The following TTC6 variants were observed in gnomAD, a reference collection of about 807,000 sequenced individuals.
The protein encoded by TTC6 is tetratricopeptide repeat domain 6.
In TTC6, 172 loss-of-function variants were observed where a neutral mutation model predicts 210.4. That is an observed-to-expected ratio of 0.82 (90% CI 0.72 to 0.93). The LOEUF is 0.93. Ranked by LOEUF, TTC6 falls within the 40% of genes least tolerant of loss-of-function variation. The probability of loss-of-function intolerance (pLI) is 0.00; values close to 1 mark genes in which losing one functional copy is unlikely to be tolerated. For synonymous variants in TTC6, 804 were observed against 819.6 expected, an observed-to-expected ratio of 0.98 and a Z score of 0.32; for missense variants, 2,414 against 2,318.1, an observed-to-expected ratio of 1.04 and a Z score of -0.85.
intron 6 of TTC6, among the ~76,000 whole-genome samples, chr14:37,719,015 A>G (rs915386810): frequency 1.3e-5 from 2 of 152,174 alleles, no homozygotes; most frequent in African/African-American, 4.8e-5. Context: ...GTGACAAGAT[A>G]CAAAAAAAAC....
chr14:37,614,741 A>C (rs2095639961), intron 2 of TTC6, among the ~76,000 whole-genome samples: 1 of 152,036 alleles, frequency 6.6e-6, no homozygotes, highest in Non-Finnish European at 1.5e-5. Context: ...AGTTTAAATT[A>C]ATCAATTAAT....
chr14:37,700,978 T>C (rs1395124601), intron 4 of TTC6, among the ~76,000 whole-genome samples: 1 of 151,996 alleles, frequency 6.6e-6, no homozygotes, highest in African/African-American at 2.4e-5. Context: ...TAATACATGA[T>C]GGCTGGATAT....
intron 6 of TTC6, among the ~76,000 whole-genome samples, chr14:37,720,983 G>T (rs933913103): frequency 6.6e-6 from 1 of 151,692 alleles, no homozygotes; most frequent in Non-Finnish European, 1.5e-5. Flanking sequence ...ACTGGATAAA[G>T]GGAAGATGGG....
intron 25 of TTC6, among the ~76,000 whole-genome samples, chr14:37,814,177 C>CT (rs2096136214): frequency 6.6e-6 from 1 of 152,172 alleles, no homozygotes. Context: ...GATATGACTG[C>CT]TGCTCACCTC....
exon 31 of TTC6, chr14:37,842,301 C>T (rs1239272877): frequency 6.3e-7 from 1 of 1,588,356 alleles, no homozygotes. Context: ...ATTACATAGA[C>T]TGTGGTTGCT....
chr14:37,791,118 AT>A, intron 16 of TTC6, among the ~76,000 whole-genome samples: 1 of 152,268 alleles, frequency 6.6e-6, no homozygotes, highest in African/African-American at 2.4e-5. Context: ...ACTATTGAGG[AT>A]TTTGGAGATG....
At chr14:37,715,168 T>TC (rs2095850617) in intron 6 of TTC6, among the ~76,000 whole-genome samples, 1 of 151,586 alleles carries the variant, frequency 6.6e-6, no homozygotes, top group African/African-American at 2.4e-5. Context: ...AGTCCCTGTC[T>TC]CAAAAAAAAA....
chr14:37,667,298 C>T (rs1028594328), intron 1 of TTC6, among the ~76,000 whole-genome samples: 28 of 150,090 alleles, frequency 1.9e-4, no homozygotes, highest in African/African-American at 5.3e-4. Flanking sequence ...ATACTACCCA[C>T]GTTCTCATTT....
At chr14:37,823,302 T>C (rs1461686762) in intron 26 of TTC6, among the ~76,000 whole-genome samples, 5 of 152,184 alleles carry the variant, frequency 3.3e-5, no homozygotes, top group African/African-American at 1.2e-4. Context: ...AGGACTCCCA[T>C]GTGATGAAAA....
chr14:37,625,328 A>G (rs1182303269), intron 1 of TTC6, among the ~76,000 whole-genome samples: 1 of 151,782 alleles, frequency 6.6e-6, no homozygotes, highest in Admixed American at 6.6e-5. Flanking sequence ...CGGGTGGATC[A>G]CCTGAGGTCA....
intron 24 of TTC6, among the ~76,000 whole-genome samples, chr14:37,809,242 G>A (rs989077032): frequency 1.0e-4 from 14 of 138,524 alleles, no homozygotes; most frequent in Non-Finnish European, 1.5e-5. Flanking sequence ...TCTACCATAT[G>A]CAGAATTTTT....
intron 24 of TTC6, among the ~76,000 whole-genome samples, chr14:37,809,446 G>A (rs1333684433): frequency 6.6e-6 from 1 of 151,956 alleles, no homozygotes; most frequent in Admixed American, 6.6e-5. Context: ...TAGAGACAGG[G>A]TTTCACCATG....
chr14:37,827,419 T>C, intron 29 of TTC6, 53 bp downstream of exon 31: 1 of 1,547,130 alleles, frequency 6.5e-7, no homozygotes, highest in South Asian at 1.2e-5. Context: ...GCTTTCTTTA[T>C]TATATATAGC....
At chr14:37,739,300 G>T (rs2095910999) in intron 10 of TTC6, 145 bp downstream of exon 12, 1 of 875,352 alleles carries the variant, frequency 1.1e-6, no homozygotes, top group Non-Finnish European at 1.6e-6. Flanking sequence ...CCTCTGGCTG[G>T]GCGCCGTGGC....
chr14:37,653,921 G>C (rs1313711173), intron 1 of TTC6, among the ~76,000 whole-genome samples: 1 of 152,008 alleles, frequency 6.6e-6, no homozygotes, highest in Non-Finnish European at 1.5e-5. Context: ...TAACCATCTT[G>C]TTTAATACAT....
chr14:37,683,084 T>C, intron 3 of TTC6, 120 bp downstream of exon 5: 1 of 811,940 alleles, frequency 1.2e-6, no homozygotes, highest in Non-Finnish European at 1.9e-6. Context: ...TGATGGTGTG[T>C]TCACTCTGAA....
Position 37,806,304 on chromosome 14 carries a change from TTAAAAC to T in TTC6, c.4165-56_4165-51del, listed in dbSNP as rs1382842628. On this transcript the variant is annotated intron_variant, in intron 21 of 30. Coordinates refer to ENST00000553443, the Ensembl canonical transcript of TTC6. The stretch of plus-strand genomic sequence containing the variant: ...TTATATACTGTAATTCGTTAACATT[TTAAAAC>T]AATATATTATATCACTAAATGGTTT... The T allele has an allele frequency of 1.2e-5, 18 of 1,441,494 alleles. No individual in the cohort carries two copies. The African/African-American group carries it at 2.6e-4, about 21-fold the overall frequency. 89.3% of individuals were successfully genotyped at this position (1,441,494 alleles called of 1,614,324 possible).
intron 5 of TTC6, among the ~76,000 whole-genome samples, chr14:37,712,299 A>G (rs747936210): frequency 6.6e-6 from 1 of 152,168 alleles, no homozygotes; most frequent in African/African-American, 2.4e-5. Flanking sequence ...GTGCTTCTAG[A>G]TAACTTCTTA....
At chr14:37,676,858 G>C (rs2095770931) in intron 1 of TTC6, among the ~76,000 whole-genome samples, 1 of 152,048 alleles carries the variant, frequency 6.6e-6, no homozygotes, top group Non-Finnish European at 1.5e-5. Flanking sequence ...TTTGTCGAAA[G>C]TCGATTGAGC....
Sources: gnomAD v4.1 joint callset for allele counts (sites outside exome capture counted in the v4.1 genomes callset) on GRCh38, gnomAD v4.1.1 for gene constraint, MANE v1.5 for transcripts, NCBI Gene and HGNC (gene_info 2026-07-23, HGNC 2026-07-21) for gene names.